Variants in HMCN2 observed in about 807,000 individuals in gnomAD.
HMCN2 encodes hemicentin-2.
HMCN2 carries 325 observed loss-of-function variants against 377.5 expected under a neutral mutation model. The observed-to-expected ratio is 0.86, with a 90% CI of 0.79 to 0.94. The LOEUF is 0.94. HMCN2 is among the 40% of genes least tolerant of loss of function. HMCN2 has a pLI of 0.00. For missense variants in HMCN2, 4,543 were observed against 4,725.3 expected, an observed-to-expected ratio of 0.96 and a Z score of 1.13; for synonymous variants, 2,007 against 2,046.8, an observed-to-expected ratio of 0.98 and a Z score of 0.53.
intron 43 of HMCN2, among the ~76,000 whole-genome samples, chr9:130,367,901 C>T (rs1426061268): frequency 7.1e-5 from 10 of 140,466 alleles, no homozygotes; most frequent in Non-Finnish European, 1.4e-4. Context: ...GAGATGGTGG[C>T]ACTGTACTCC....
At chr9:130,334,815 T>C (rs1838651398) in intron 22 of HMCN2, among the ~76,000 whole-genome samples, 1 of 143,190 alleles carries the variant, frequency 7.0e-6, no homozygotes, top group Non-Finnish European at 1.5e-5. Context: ...TCTCTCTCTC[T>C]CCTCTCTCTC....
intron 48 of HMCN2, among the ~76,000 whole-genome samples, chr9:130,373,330 A>G (rs115561217): frequency 0.012 from 1,826 of 152,112 alleles, 38 homozygotes; most frequent in African/African-American, 0.042. Context: ...CCACCTCACT[A>G]CAGACCTCAG....
At chr9:130,429,882 T>C in intron 94 of HMCN2, 197 bp downstream of exon 94, 2 of 1,058,692 alleles carry the variant, frequency 1.9e-6, no homozygotes, top group Non-Finnish European at 2.6e-6. Flanking sequence ...CACTTTGCAC[T>C]CACTGGGTGC....
At chr9:130,417,698 T>TC (rs1297629460) in intron 85 of HMCN2, among the ~76,000 whole-genome samples, 4 of 151,960 alleles carry the variant, frequency 2.6e-5, no homozygotes, top group Admixed American at 2.6e-4. Context: ...GAATGGGCTC[T>TC]CCCCCAGAAC....
rs1263766512 is a variant in HMCN2 at position 130,408,870 on chromosome 9, A to G, written c.12816A>G (p.Pro4272=). The G allele has an allele frequency of 1.1e-5, 14 of 1,289,786 alleles. No homozygotes were observed. The highest frequency in any genetic ancestry group is 1.4e-5 in the Non-Finnish European group (14 of 988,872). 79.9% of individuals were successfully genotyped at this position (1,289,786 alleles called of 1,614,324 possible). Residue 4272 remains proline (P), a synonymous_variant, in exon 84 of 98, where the codon CCA becomes CCG. Transcript: ENST00000683500. The part of the protein sequence containing the change: ...PDIHWIKDGL[P]LRGSHLRHQL... ...TCCACTGGATCAAAGATGGCCTTCC[A>G]CTGCGGGGCAGCCACCTCCGGCACC...
At position 130,368,294 on chromosome 9, in the gene HMCN2, A is replaced by T; in HGVS notation, c.6644A>T (p.Glu2215Val). ...WRKDGQPLPG[E>V]GAGLQHVSAV... ...CACCCAGGTCAACCCCTCCCCGGGG[A>T]GGGGGCTGGCCTCCAGCACGTGTCG... The change falls in exon 44 of 98, where the codon GAG becomes GTG. Residue 2215 changes from glutamate (E) to valine (V), a missense_variant. Physicochemically the swap from Glu to Val is moderately radical, Grantham distance 121. Around this residue, in one of 5 missense-constraint regions of HMCN2, gnomAD observed 1,032 missense variants for 1,285.1 expected, o/e 0.80. Transcript: ENST00000683500. 1.0e-6 allele frequency: 1 copy of T among 985,230 alleles called. No homozygotes were observed. Among genetic ancestry groups the T allele is most frequent in the Non-Finnish European group, 1.2e-6 (1 of 829,752 alleles). The allele number at this position is 985,230 out of a possible 1,614,324, so 61.0% of individuals were successfully genotyped here. A position where few individuals can be genotyped will look rare whatever the true frequency, so the allele number is the denominator to read the frequency against.
Position 130,374,810 on chromosome 9 carries a change from C to T in HMCN2, c.7630+117C>T, listed in dbSNP as rs575887111. On this transcript the variant is annotated intron_variant, in intron 49 of 97. Transcript: ENST00000683500. ...TTCTACTATTTTTCTTCTAATTCTC[C>T]GAGTTTGACAACAAAAATCATATAG... The T allele has an allele frequency of 4.2e-5, 17 of 407,162 alleles. No homozygotes were observed. In the South Asian group the frequency reaches 9.3e-4, roughly 22 times the overall value. The allele number at this position is 407,162 out of a possible 1,614,324, so 25.2% of individuals were successfully genotyped here.
Position 130,320,458 on chromosome 9 carries a change from TG to T in HMCN2, c.2647+9del. The T allele has an allele frequency of 6.6e-6, 1 of 152,604 alleles. No homozygotes were observed. The highest frequency in any genetic ancestry group is 1.5e-5 in the Non-Finnish European group (1 of 68,232). 9.5% of individuals were successfully genotyped at this position (152,604 alleles called of 1,614,324 possible). The stretch of plus-strand genomic sequence containing the variant: ...CTCATCGTCACTGGTCACGGTTCGC[TG>T]GTGGATCTGAGGGCCGTGGGAGGTG... On this transcript the variant is annotated splice_region_variant and intron_variant, in intron 17 of 97. Transcript: ENST00000683500.
chr9:130,353,289 G>T (rs1437584524), intron 31 of HMCN2, 84 bp downstream of exon 31: 12 of 1,211,092 alleles, frequency 9.9e-6, no homozygotes, highest in East Asian at 5.8e-5. Flanking sequence ...CCAAAGGAAG[G>T]CTAGGTGGCC....
intron 78 of HMCN2, 56 bp from the exon 79 acceptor site, chr9:130,403,138 T>G: frequency 8.0e-7 from 1 of 1,255,896 alleles, no homozygotes; most frequent in South Asian, 1.3e-5. Flanking sequence ...GCCCGCTGGT[T>G]GGAGGAGTTG....
intron 15 of HMCN2, among the ~76,000 whole-genome samples, chr9:130,315,720 C>T (rs1837530669): frequency 2.0e-5 from 3 of 152,102 alleles, no homozygotes; most frequent in Admixed American, 2.0e-4. Context: ...GGCTGGAAGC[C>T]GACCATCAGG....
Position 130,394,971 on chromosome 9 carries a change from T to C in HMCN2, c.10693-56T>C, listed in dbSNP as rs1013407252. The C allele has an allele frequency of 8.9e-5, 101 of 1,137,244 alleles. No individual in the cohort carries two copies. The highest frequency in any genetic ancestry group is 1.4e-4 in the African/African-American group (9 of 62,166). The allele number at this position is 1,137,244 out of a possible 1,614,324, so 70.4% of individuals were successfully genotyped here. ...CTCGATGCATGAGAAAGAAACCAGA[T>C]TGGGAGGCGGGCAGAGAGGGGCCAG... is the stretch of plus-strand genomic sequence containing the variant. On this transcript the variant is annotated intron_variant, in intron 69 of 97. Coordinates refer to ENST00000683500, the MANE Select transcript of HMCN2 (RefSeq NM_001291815.2). This position sits in a 1 kb window ranked among gnomAD's most constrained non-coding sequence, Gnocchi z 5.1.
chr9:130,321,166 A>C (rs987039629), intron 18 of HMCN2, among the ~76,000 whole-genome samples: 7 of 152,054 alleles, frequency 4.6e-5, no homozygotes, highest in African/African-American at 1.7e-4. Flanking sequence ...GTGCCTCAGG[A>C]GTGCTGTGAG....
At chr9:130,419,258 G>T (rs1843858100) in intron 86 of HMCN2, 3 of 453,434 alleles carry the variant, frequency 6.6e-6, no homozygotes, top group Non-Finnish European at 1.2e-5. Context: ...CTTGGACAGG[G>T]AACACAGGTT....
In HMCN2 at chr9:130,382,797, G is replaced by A; in HGVS notation, c.8664G>A (p.Trp2888Ter). Residue 2888 changes from tryptophan (W) to a stop codon, truncating the protein, a stop_gained, in exon 56 of 98, where the codon TGG becomes TGA. Transcript: ENST00000683500. LOFTEE classifies it high-confidence loss of function. ...GAAACCCCGTGCCCACCATCTCATG[G>A]CTCCAGAATGGGCTGCCTTTCTCCC... ...ALGNPVPTISWLQNGLPFSPS... is the reference protein window; with the variant it reads ...ALGNPVPTIS The A allele has an allele frequency of 4.1e-6, 4 of 985,954 alleles. No individual in the cohort carries two copies. Among genetic ancestry groups the A allele is most frequent in the Non-Finnish European group, 4.8e-6 (4 of 829,990 alleles). The allele number at this position is 985,954 out of a possible 1,614,324, so 61.1% of individuals were successfully genotyped here.
chr9:130,430,796 G>A, intron 95 of HMCN2, 192 bp downstream of exon 95: 1 of 598,568 alleles, frequency 1.7e-6, no homozygotes, highest in East Asian at 2.8e-5. Flanking sequence ...TTGGGCAGGG[G>A]GCTTCCAAGA....
chr9:130,412,569 T>C (rs964793615), intron 85 of HMCN2, among the ~76,000 whole-genome samples: 8 of 148,876 alleles, frequency 5.4e-5, no homozygotes, highest in African/African-American at 2.0e-4. Context: ...TTCTTTCTCT[T>C]TTTTTTTTTT....
intron 1 of HMCN2, among the ~76,000 whole-genome samples, chr9:130,282,303 TCA>T (rs1190778062): frequency 1.3e-5 from 2 of 152,212 alleles, no homozygotes; most frequent in Non-Finnish European, 2.9e-5. Context: ...CACTGAATTC[TCA>T]CAGTGATGGT....
At position 130,339,794 on chromosome 9, in the gene HMCN2, C is replaced by A. The variant is rs1396171552; in HGVS notation, c.3488-1317C>A. Among the ~76,000 whole-genome samples, 3 of 152,232 alleles carry A rather than the reference C, an allele frequency of 2.0e-5. No individual in the cohort carries two copies. In the East Asian group the frequency reaches 5.8e-4, roughly 29 times the overall value. Reference sequence around the variant, plus strand: ...CTGGGCTAAGGGGTTGGTCTCCACCCAAGGGCCAGGATCCCATGGGTGGTT... The same window carrying A: ...CTGGGCTAAGGGGTTGGTCTCCACCAAAGGGCCAGGATCCCATGGGTGGTT... On this transcript the variant is annotated intron_variant, in intron 23 of 97. Transcript: ENST00000683500.
Sources: gnomAD v4.1 joint callset for allele counts (sites outside exome capture counted in the v4.1 genomes callset) on GRCh38, gnomAD v4.1.1 for gene constraint, gnomAD v4.1.1 regional missense constraint, Gnocchi (gnomAD v3.1) non-coding constraint, MANE v1.5 for transcripts, NCBI Gene and HGNC (gene_info 2026-07-23, HGNC 2026-07-21) for gene names.